DPP10: variants seen among roughly 807,000 people sequenced by gnomAD.
DPP10 encodes the protein dipeptidyl peptidase like 10.
Under a neutral mutation model 120.9 loss-of-function variants are expected in DPP10, and 33 were observed. The ratio of observed to expected loss-of-function variants is 0.27; its 90% CI spans 0.21 to 0.37. DPP10 has a LOEUF of 0.37. Among genes scored for constraint, DPP10 ranks in the 10% least tolerant of loss-of-function variants. The pLI is 1.00. For synonymous variants in DPP10, 337 were observed against 326.1 expected (o/e 1.03, Z -0.36); for missense variants, 816 against 942.8 (o/e 0.87, Z 1.76).
chr2:115,390,940 A>C (rs1237010395), intron 3 of DPP10, among the ~76,000 whole-genome samples: 1 of 152,144 alleles, frequency 6.6e-6, no homozygotes, highest in African/African-American at 2.4e-5. Context: ...CTAACTGGTA[A>C]CCTACACATA....
At chr2:115,254,186 G>A (rs2058873469) in intron 1 of DPP10, among the ~76,000 whole-genome samples, 1 of 152,174 alleles carries the variant, frequency 6.6e-6, no homozygotes, top group Admixed American at 6.5e-5. Flanking sequence ...AATTGCTGGG[G>A]TGGCCTTGAG....
At chr2:115,614,790 A>T (rs1192183683) in intron 5 of DPP10, among the ~76,000 whole-genome samples, 1 of 152,198 alleles carries the variant, frequency 6.6e-6, no homozygotes, top group Admixed American at 6.5e-5. Context: ...GAATTATCAT[A>T]GAGAGAAAAC....
intron 5 of DPP10, among the ~76,000 whole-genome samples, chr2:115,599,205 T>A (rs1437966444): frequency 6.6e-6 from 1 of 152,142 alleles, no homozygotes; most frequent in Non-Finnish European, 1.5e-5. Flanking sequence ...AAATTTAACA[T>A]CTTGTTCATT....
chr2:114,516,637 C>T (rs1349030466), intron 1 of DPP10, among the ~76,000 whole-genome samples: 1 of 152,126 alleles, frequency 6.6e-6, no homozygotes, highest in Non-Finnish European at 1.5e-5. Flanking sequence ...GGAGAAAATG[C>T]CTCTCTTTTA....
At chr2:114,856,484 A>G (rs1010051345) in intron 1 of DPP10, among the ~76,000 whole-genome samples, 1 of 152,210 alleles carries the variant, frequency 6.6e-6, no homozygotes, top group Non-Finnish European at 1.5e-5. Context: ...GGACAATACT[A>G]AAAATTAGAA....
At chr2:115,656,702 T>C (rs186519777) in intron 5 of DPP10, among the ~76,000 whole-genome samples, 1 of 151,694 alleles carries the variant, frequency 6.6e-6, no homozygotes, top group Non-Finnish European at 1.5e-5. Context: ...AGTCAGTTAA[T>C]TTGTTACCAG....
chr2:115,245,336 C>T (rs1205309218), intron 1 of DPP10, among the ~76,000 whole-genome samples: 1 of 151,632 alleles, frequency 6.6e-6, no homozygotes, highest in Non-Finnish European at 1.5e-5. Context: ...AGACAATTCT[C>T]AAAAGAAGAT....
At chr2:115,730,759 C>T (rs569886558) in intron 8 of DPP10, among the ~76,000 whole-genome samples, 6 of 152,194 alleles carry the variant, frequency 3.9e-5, no homozygotes, top group Admixed American at 2.0e-4. Flanking sequence ...GCAGAACAAA[C>T]GGGTAATACA....
At chr2:114,551,594 C>G (rs1687891255) in intron 1 of DPP10, among the ~76,000 whole-genome samples, 1 of 152,222 alleles carries the variant, frequency 6.6e-6, no homozygotes, top group African/African-American at 2.4e-5. Context: ...GTGATGAACA[C>G]TGTTGCAGAC....
At chr2:114,582,427 T>G (rs1558903623) in intron 1 of DPP10, among the ~76,000 whole-genome samples, 1 of 152,204 alleles carries the variant, frequency 6.6e-6, no homozygotes, top group Admixed American at 6.5e-5. Flanking sequence ...TGAACAGATA[T>G]ATGTTTTGAA....
chr2:115,036,361 G>A (rs371316564), intron 1 of DPP10, among the ~76,000 whole-genome samples: 3 of 152,136 alleles, frequency 2.0e-5, no homozygotes, highest in South Asian at 2.1e-4. Flanking sequence ...CAGCCAAACC[G>A]TATCAATAAT....
intron 5 of DPP10, among the ~76,000 whole-genome samples, chr2:115,675,490 A>C (rs2090184890): frequency 6.6e-6 from 1 of 152,182 alleles, no homozygotes; most frequent in African/African-American, 2.4e-5. Context: ...GAAATTCAGC[A>C]AGGAAGTGAT....
Position 114,938,013 on chromosome 2 carries a change from G to A in DPP10, c.61-371226G>A, listed in dbSNP as rs28605218. On this transcript the variant is annotated intron_variant, in intron 1 of 25. Transcript: ENST00000410059. ...CTCACCAACTGCCAATTCATTTCTT[G>A]TAAGTAACATATACACATTTCAGAC... 4.0e-3 allele frequency among the ~76,000 whole-genome samples: 616 copies of A among 152,214 alleles called. 1 individual carries two copies. Among genetic ancestry groups the A allele is most frequent in the African/African-American group, 0.015 (603 of 41,524 alleles).
At chr2:115,304,356 AC>A (rs2105993855) in intron 1 of DPP10, among the ~76,000 whole-genome samples, 1 of 152,224 alleles carries the variant, frequency 6.6e-6, no homozygotes, top group Admixed American at 6.6e-5. Flanking sequence ...GTTAAGAATG[AC>A]GCTAAGAACG....
chr2:114,938,778 T>G (rs1333926210), intron 1 of DPP10, among the ~76,000 whole-genome samples: 5 of 151,088 alleles, frequency 3.3e-5, no homozygotes, highest in African/African-American at 1.2e-4. Flanking sequence ...CTCATTAATT[T>G]GTAGGAAATC....
chr2:114,960,109 A>G (rs1698500459), intron 1 of DPP10, among the ~76,000 whole-genome samples: 1 of 152,166 alleles, frequency 6.6e-6, no homozygotes, highest in Non-Finnish European at 1.5e-5. Context: ...AATATAACTT[A>G]CTGATACTAC....
At chr2:115,308,843 C>T (rs1394121787) in intron 1 of DPP10, among the ~76,000 whole-genome samples, 2 of 151,814 alleles carry the variant, frequency 1.3e-5, no homozygotes, top group African/African-American at 2.4e-5. Context: ...GAAAGTAGCC[C>T]GTAGTGCTTC....
intron 4 of DPP10, among the ~76,000 whole-genome samples, chr2:115,508,755 T>A (rs540798098): frequency 6.6e-6 from 1 of 152,172 alleles, no homozygotes; most frequent in African/African-American, 2.4e-5. Context: ...ATACAAAAAT[T>A]AGCTGAGTGT....
chr2:114,730,640 C>A (rs1676805058), intron 1 of DPP10, among the ~76,000 whole-genome samples: 1 of 152,148 alleles, frequency 6.6e-6, no homozygotes. Context: ...GTCATCCAGG[C>A]TGGAGTGCAG....
Sources: allele counts gnomAD v4.1 joint callset (sites outside exome capture counted in the v4.1 genomes callset), GRCh38; gene constraint gnomAD v4.1.1; transcripts MANE v1.5; gene names NCBI Gene and HGNC (gene_info 2026-07-23, HGNC 2026-07-21).